The following USP1 variants were observed in gnomAD, a reference collection of about 807,000 sequenced individuals.
The protein encoded by USP1 is ubiquitin carboxyl-terminal hydrolase 1.
A neutral mutation model predicts 72.2 loss-of-function variants in USP1; 18 were observed. The ratio of observed to expected loss-of-function variants is 0.25; its 90% CI spans 0.17 to 0.37. USP1 has a LOEUF of 0.37. Ranked by LOEUF, USP1 falls within the 10% of genes least tolerant of loss-of-function variation. The pLI is 1.00. For missense variants in USP1, 759 were observed against 884.9 expected, an observed-to-expected ratio of 0.86 and a Z score of 1.81; for synonymous variants, 354 against 303.7, an observed-to-expected ratio of 1.17 and a Z score of -1.72.
At position 62,440,049 on chromosome 1, in the gene USP1, AC is replaced by A; in HGVS notation, c.170+13del. 2 of 1,424,154 alleles carry A rather than the reference AC, an allele frequency of 1.4e-6. No homozygotes were observed. The highest frequency in any genetic ancestry group is 1.8e-6 in the Non-Finnish European group (2 of 1,084,304). The allele number at this position is 1,424,154 out of a possible 1,614,324, so 88.2% of individuals were successfully genotyped here. ...AGAGCATCTGAAATGTATGTATCTT[AC>A]ATTTCTGTACTTTAAAAATTCTACA... is the stretch of plus-strand genomic sequence containing the variant. On this transcript the variant is annotated intron_variant, in intron 2 of 8. Coordinates refer to ENST00000339950, the MANE Select transcript of USP1 (RefSeq NM_003368.5).
chr1:62,450,199 A>T, intron 8 of USP1, 47 bp from the exon 9 acceptor site: 1 of 1,554,920 alleles, frequency 6.4e-7, no homozygotes, highest in African/African-American at 1.4e-5. Flanking sequence ...AACATTTTGA[A>T]TTTAAAATAG....
chr1:62,438,786 TC>T (rs1645110762), intron 1 of USP1, among the ~76,000 whole-genome samples: 1 of 152,340 alleles, frequency 6.6e-6, no homozygotes, highest in East Asian at 1.9e-4. Flanking sequence ...CATCTTTTTT[TC>T]CTACTCAAAG....
intron 5 of USP1, among the ~76,000 whole-genome samples, chr1:62,443,568 TCATA>T (rs1354040254): frequency 6.6e-6 from 1 of 152,208 alleles, no homozygotes; most frequent in Non-Finnish European, 1.5e-5. Context: ...ACGTGAATAT[TCATA>T]CATGCTTCTA....
intron 8 of USP1, 21 bp from the exon 9 acceptor site, chr1:62,450,225 T>C (rs1164269443): frequency 6.3e-7 from 1 of 1,583,812 alleles, no homozygotes; most frequent in Non-Finnish European, 8.6e-7. Context: ...CAGGAAACCT[T>C]TTCTTTTTTT....
chr1:62,443,628 C>T (rs1459902793), intron 5 of USP1, among the ~76,000 whole-genome samples: 6 of 152,230 alleles, frequency 3.9e-5, no homozygotes, highest in African/African-American at 7.2e-5. Context: ...CATATCAAGT[C>T]GGTGATAAAT....
At position 62,445,385 on chromosome 1, in the gene USP1, C is replaced by T. The variant is rs1245289179; in HGVS notation, c.1205C>T (p.Thr402Ile). Reference sequence around the variant, plus strand: ...TGTGGACTTGAATCTCCAGGAAATACTGTTACACCTGTAAATGTTAATGAA... The same window carrying T: ...TGTGGACTTGAATCTCCAGGAAATATTGTTACACCTGTAAATGTTAATGAA... ...NGCGLESPGN[T>I]VTPVNVNEVK... The change falls in exon 6 of 9, where the codon ACT (threonine) becomes ATT (isoleucine). Residue 402 changes from threonine to isoleucine, a missense_variant. This residue lies in a region of USP1 where 245 missense variants were observed against 240.7 expected (regional missense o/e 1.02). Coordinates refer to ENST00000339950, the MANE Select transcript of USP1 (RefSeq NM_003368.5). 3 of 1,591,928 alleles carry T rather than the reference C, an allele frequency of 1.9e-6. No homozygotes were observed. Among genetic ancestry groups the T allele is most frequent in the Non-Finnish European group, 2.6e-6 (3 of 1,172,098 alleles).
At position 62,450,974 on chromosome 1, in the gene USP1, A is replaced by AATT. The variant is rs1451974762; in HGVS notation, c.2354_2356dup (p.Leu785dup). The AATT allele has an allele frequency of 3.8e-6, 6 of 1,583,710 alleles. No homozygotes were observed. The highest frequency in any genetic ancestry group is 5.1e-6 in the Non-Finnish European group (6 of 1,170,928). ...ACTCCTTACTTGCTATTTTATAAGA[A>AATT]ATTATAGAGTGAGTGTATTTTCCTT... On this transcript the variant is annotated inframe_insertion, in exon 9 of 9. Transcript: ENST00000339950.
intron 6 of USP1, 138 bp from the exon 7 acceptor site, chr1:62,447,200 TAAG>T (rs1645181659): frequency 8.8e-6 from 7 of 795,344 alleles, no homozygotes; most frequent in Non-Finnish European, 1.3e-5. Context: ...GTACCTCTAA[TAAG>T]CTAATAATGC....
At position 62,450,461 on chromosome 1, in the gene USP1, T is replaced by C; in HGVS notation, c.1838T>C (p.Phe613Ser). 4 of 1,614,136 alleles carry C rather than the reference T, an allele frequency of 2.5e-6. No individual in the cohort carries two copies. Among genetic ancestry groups the C allele is most frequent in the Non-Finnish European group, 3.4e-6 (4 of 1,180,018 alleles). The change falls in exon 9 of 9, where the codon TTT becomes TCT. Residue 613 changes from phenylalanine (F) to serine (S), a missense_variant. Physicochemically the swap from Phe to Ser is radical, Grantham distance 155. Coordinates refer to ENST00000339950, the MANE Select transcript of USP1 (RefSeq NM_003368.5). Reference sequence around the variant, plus strand: ...AGTTTAGAACTAGATAAAGGAAATTTTGTGGTTGACCAAATGTGTGAAATA... The same window carrying C: ...AGTTTAGAACTAGATAAAGGAAATTCTGTGGTTGACCAAATGTGTGAAATA... Reference protein sequence around the residue: ...LNSLELDKGNFVVDQMCEIGK... With the variant: ...LNSLELDKGNSVVDQMCEIGK...
In USP1 at chr1:62,448,676, G is replaced by A. The variant is rs759675760; in HGVS notation, c.1622+10G>A. The A allele has an allele frequency of 1.9e-6, 3 of 1,610,510 alleles. No homozygotes were observed. The highest frequency in any genetic ancestry group is 2.5e-6 in the Non-Finnish European group (3 of 1,178,812). ...CTGCTAGTGGTTTGGAGTAAGTATTGTAAATAAGAACTATATGAAGAAAAT... is the reference window on the plus strand; with the variant it reads ...CTGCTAGTGGTTTGGAGTAAGTATTATAAATAAGAACTATATGAAGAAAAT... On this transcript the variant is annotated intron_variant, in intron 8 of 8. Transcript: ENST00000339950.
Position 62,450,540 on chromosome 1 carries a change from T to C in USP1, c.1917T>C (p.Tyr639=), listed in dbSNP as rs1262874976. The change falls in exon 9 of 9, where the codon TAT becomes TAC. Residue 639 remains tyrosine, a synonymous_variant. Transcript: ENST00000339950. ...EEEARGVVEN[Y]NDEEVSIRVG... is the part of the protein sequence containing the mutation. ...AAGCAAGGGGTGTGGTTGAGAATTA[T>C]AATGATGAAGAAGTGTCAATTAGAG... 24 of 1,613,940 alleles carry C rather than the reference T, an allele frequency of 1.5e-5. 1 individual carries two copies. The South Asian group carries it at 1.6e-4, about 11-fold the overall frequency.
rs773469454 is a variant in USP1 at position 62,439,970 on chromosome 1, A to G, written c.103A>G (p.Arg35Gly). Residue 35 changes from arginine to glycine, a missense_variant, in exon 2 of 9, where the codon AGA becomes GGA. Arg to Gly is a moderately radical substitution (Grantham distance 125). This residue lies in a region of USP1 where 86 missense variants were observed against 82.0 expected (regional missense o/e 1.05). Transcript: ENST00000339950. Reference protein sequence around the residue: ...LKFFQKKETKRALDFTDSQEN... With the variant: ...LKFFQKKETKGALDFTDSQEN... ...GTTTTTTCAGAAAAAGGAAACTAAGAGAGCTTTGGATTTCACAGATTCTCA... is the reference window on the plus strand; with the variant it reads ...GTTTTTTCAGAAAAAGGAAACTAAGGGAGCTTTGGATTTCACAGATTCTCA... The G allele has an allele frequency of 1.9e-6, 3 of 1,564,782 alleles. No homozygotes were observed. The highest frequency in any genetic ancestry group is 2.0e-5 in the Admixed American group (1 of 49,724).
rs1645204451 is a variant in USP1, at chr1:62,450,230, T to G, written c.1623-16T>G. The G allele has an allele frequency of 1.3e-6, 2 of 1,585,502 alleles. No individual in the cohort carries two copies. The highest frequency in any genetic ancestry group is 1.7e-6 in the Non-Finnish European group (2 of 1,166,602). On this transcript the variant is annotated splice_polypyrimidine_tract_variant and intron_variant, in intron 8 of 8. Transcript: ENST00000339950. Reference sequence around the variant, plus strand: ...AATAGAACTGCAGGAAACCTTTTCTTTTTTTCCTCCCAAAGGTTTGATTGT... The same window carrying G: ...AATAGAACTGCAGGAAACCTTTTCTGTTTTTCCTCCCAAAGGTTTGATTGT...
chr1:62,443,105 A>C (rs1645144773), intron 4 of USP1, 54 bp from the exon 5 acceptor site: 1 of 1,549,870 alleles, frequency 6.5e-7, no homozygotes, highest in African/African-American at 1.4e-5. Context: ...ACAAAGGGGG[A>C]AGGTACTTAA....
rs775485063 is a variant in USP1 at position 62,450,331 on chromosome 1, A to C, written c.1708A>C (p.Lys570Gln). ...ATTGTCACTAGAAGAATGGAGCACA[A>C]AGCCAACTAACGACAGCTATGGATT... Reference protein sequence around the residue: ...LKLSLEEWSTKPTNDSYGLFA... With the variant: ...LKLSLEEWSTQPTNDSYGLFA... Residue 570 changes from lysine to glutamine, a missense_variant, in exon 9 of 9, where the codon AAG becomes CAG. Physicochemically the swap from Lys to Gln is moderately conservative, Grantham distance 53 (BLOSUM62 1). This residue lies in a region of USP1 where 140 missense variants were observed against 222.8 expected (regional missense o/e 0.63). Coordinates refer to ENST00000339950, the MANE Select transcript of USP1 (RefSeq NM_003368.5). 1.9e-6 allele frequency: 3 copies of C among 1,614,182 alleles called. No homozygotes were observed. In the South Asian group the frequency reaches 3.3e-5, roughly 18 times the overall value.
chr1:62,446,032 A>G (rs951048838), intron 6 of USP1, among the ~76,000 whole-genome samples: 5 of 152,298 alleles, frequency 3.3e-5, no homozygotes, highest in African/African-American at 1.2e-4. Context: ...TTTAATGTAC[A>G]TTTAAGAGTA....
At position 62,437,145 on chromosome 1, in the gene USP1, C is replaced by T. The variant is rs992356604; in HGVS notation, c.-325C>T. On this transcript the variant is annotated 5_prime_UTR_variant, in exon 1 of 9. Coordinates refer to ENST00000339950, the MANE Select transcript of USP1 (RefSeq NM_003368.5). ...GCCGCTGCTTGTTGCGCTCCTGGCTCTCCCGGGGCGGGCGCAGATGGGCGC... is the reference window on the plus strand; with the variant it reads ...GCCGCTGCTTGTTGCGCTCCTGGCTTTCCCGGGGCGGGCGCAGATGGGCGC... The T allele has an allele frequency of 1.0e-5, 4 of 399,024 alleles. No individual in the cohort carries two copies. Among genetic ancestry groups the T allele is most frequent in the African/African-American group, 4.1e-5 (2 of 48,646 alleles). 24.7% of individuals were successfully genotyped at this position (399,024 alleles called of 1,614,324 possible).
intron 6 of USP1, 138 bp downstream of exon 6, chr1:62,445,567 A>AC (rs1297806559): frequency 5.1e-5 from 39 of 763,992 alleles, no homozygotes; most frequent in Non-Finnish European, 7.4e-5. Context: ...CTGAATGTGA[A>AC]CTATGGTGTT....
At chr1:62,443,897 C>CT (rs1645150812) in intron 5 of USP1, among the ~76,000 whole-genome samples, 2 of 152,096 alleles carry the variant, frequency 1.3e-5, no homozygotes. Context: ...TAGGGCAAGT[C>CT]TTTAAAACAA....
Sources: gnomAD v4.1 joint callset for allele counts (sites outside exome capture counted in the v4.1 genomes callset) on GRCh38, gnomAD v4.1.1 for gene constraint, gnomAD v4.1.1 regional missense constraint, MANE v1.5 for transcripts, NCBI Gene and HGNC (gene_info 2026-07-23, HGNC 2026-07-21) for gene names.